ARSB: variants seen among roughly 807,000 people sequenced by gnomAD.
ARSB encodes the protein arylsulfatase B, also known as N-acetylgalactosamine-4-sulfatase.
In ARSB, 41 loss-of-function variants were observed where a neutral mutation model predicts 50.9. That is an observed-to-expected ratio of 0.81 (90% CI 0.63 to 1.04). The LOEUF is 1.04. Among genes scored for constraint, ARSB ranks in the 50% least tolerant of loss-of-function variants. The probability of loss-of-function intolerance (pLI) is 0.00; values close to 1 mark genes in which losing one functional copy is unlikely to be tolerated. For missense variants in ARSB, 672 were observed against 693.3 expected, an observed-to-expected ratio of 0.97 and a Z score of 0.35; for synonymous variants, 269 against 284.8, an observed-to-expected ratio of 0.94 and a Z score of 0.56.
chr5:78,985,231 C>G lies in ARSB; in HGVS notation c.18G>C (p.Ala6=), dbSNP rs1047766714. MGPRG[A]ASLPRGPGPR... is the part of the protein sequence containing the mutation. ...GTCCGGGGCCTCGGGGCAAGCTCGCCGCGCCGCGCGGACCCATCCTTGTCC... is the reference window on the plus strand; with the variant it reads ...GTCCGGGGCCTCGGGGCAAGCTCGCGGCGCCGCGCGGACCCATCCTTGTCC... The change falls in exon 1 of 8, where the codon GCG becomes GCC. Residue 6 remains alanine, a synonymous_variant. Transcript: ENST00000264914. The G allele has an allele frequency of 3.8e-6, 5 of 1,329,056 alleles. No homozygotes were observed. In the African/African-American group the frequency reaches 6.2e-5, roughly 16 times the overall value. The allele number at this position is 1,329,056 out of a possible 1,614,324, so 82.3% of individuals were successfully genotyped here.
chr5:78,958,817 C>G (rs2112495263), intron 3 of ARSB, among the ~76,000 whole-genome samples: 1 of 146,948 alleles, frequency 6.8e-6, no homozygotes, highest in East Asian at 1.9e-4. Context: ...TGTCCTGTAC[C>G]TAACTCAGAC....
rs138320986 is a variant in ARSB, at chr5:78,976,618, C to A, written c.313-7426G>T. Among the ~76,000 whole-genome samples the A allele has an allele frequency of 2.5e-3, 381 of 152,206 alleles. 2 individuals carry two copies. The highest frequency in any genetic ancestry group is 8.8e-3 in the African/African-American group (366 of 41,534). On this transcript the variant is annotated intron_variant, in intron 1 of 7. Coordinates refer to ENST00000264914, the MANE Select transcript of ARSB (RefSeq NM_000046.5). Reference sequence around the variant, plus strand: ...CCACTGCGCCCAGCCAAGCTTATTTCTTTTAAAGAAAAAGAGAGAATATGT... The same window carrying A: ...CCACTGCGCCCAGCCAAGCTTATTTATTTTAAAGAAAAAGAGAGAATATGT...
intron 3 of ARSB, among the ~76,000 whole-genome samples, chr5:78,958,075 G>C (rs1201452428): frequency 6.6e-6 from 1 of 151,998 alleles, no homozygotes; most frequent in Non-Finnish European, 1.5e-5. Flanking sequence ...GTAACAAAAG[G>C]CTGGAGTATG....
intron 6 of ARSB, among the ~76,000 whole-genome samples, chr5:78,806,740 C>T (rs1210973434): frequency 1.3e-5 from 2 of 152,198 alleles, no homozygotes; most frequent in Non-Finnish European, 2.9e-5. Context: ...TCTCCATACT[C>T]ACGATTACTC....
chr5:78,935,328 T>C (rs1007977933), intron 4 of ARSB, among the ~76,000 whole-genome samples: 1 of 152,218 alleles, frequency 6.6e-6, no homozygotes, highest in Non-Finnish European at 1.5e-5. Flanking sequence ...AAATGTGTCA[T>C]AATAATTGTT....
chr5:78,848,292 C>T (rs1745557836), intron 5 of ARSB, among the ~76,000 whole-genome samples: 1 of 114,454 alleles, frequency 8.7e-6, no homozygotes, highest in Non-Finnish European at 1.8e-5. Context: ...TGTTCAATTC[C>T]CACCTATGAG....
Position 78,985,245 on chromosome 5 carries a change from C to G in ARSB, c.4G>C (p.Gly2Arg). 7.6e-7 allele frequency: 1 copy of G among 1,308,386 alleles called. No homozygotes were observed. The highest frequency in any genetic ancestry group is 9.7e-7 in the Non-Finnish European group (1 of 1,034,138). 81.0% of individuals were successfully genotyped at this position (1,308,386 alleles called of 1,614,324 possible). Residue 2 changes from glycine (G) to arginine (R), a missense_variant, in exon 1 of 8, where the codon GGT becomes CGT. By Grantham distance (125) the Gly-to-Arg change is moderately radical. Transcript: ENST00000264914. ...GGCAAGCTCGCCGCGCCGCGCGGACCCATCCTTGTCCGCCCGCGGTCCCAG... is the reference window on the plus strand; with the variant it reads ...GGCAAGCTCGCCGCGCCGCGCGGACGCATCCTTGTCCGCCCGCGGTCCCAG... M[G>R]PRGAASLPRG...
intron 1 of ARSB, among the ~76,000 whole-genome samples, chr5:78,981,291 T>C (rs1752893604): frequency 1.3e-5 from 2 of 152,200 alleles, no homozygotes; most frequent in South Asian, 4.1e-4. Flanking sequence ...ACTTACCCCA[T>C]CTGCTAATTA....
chr5:78,822,766 T>C (rs1744287134), intron 6 of ARSB, among the ~76,000 whole-genome samples: 1 of 152,154 alleles, frequency 6.6e-6, no homozygotes, highest in Non-Finnish European at 1.5e-5. Flanking sequence ...GCCTCCTGAG[T>C]AGCTGGGACT....
intron 3 of ARSB, among the ~76,000 whole-genome samples, chr5:78,956,400 A>G (rs932754684): frequency 2.0e-5 from 3 of 152,154 alleles, no homozygotes; most frequent in African/African-American, 7.2e-5. Context: ...GCTAACAGAT[A>G]CAAGGTTTTT....
At chr5:78,848,581 G>A (rs1337288203) in intron 5 of ARSB, among the ~76,000 whole-genome samples, 5 of 151,464 alleles carry the variant, frequency 3.3e-5, no homozygotes, top group Non-Finnish European at 5.9e-5. Context: ...TATATACCCC[G>A]TAATGGGATG....
At chr5:78,968,440 T>C (rs1186828069) in intron 2 of ARSB, among the ~76,000 whole-genome samples, 2 of 151,630 alleles carry the variant, frequency 1.3e-5, no homozygotes, top group African/African-American at 4.8e-5. Flanking sequence ...CTCCACCTCC[T>C]GGGTTCATGC....
At position 78,885,710 on chromosome 5, in the gene ARSB, T is replaced by G; in HGVS notation, c.1016A>C (p.Gln339Pro). ...VGFVASPLLK[Q>P]KGVKNRELIH... is the part of the protein sequence containing the mutation. ...GAGCTCCCGGTTCTTCACGCCCTTC[T>G]GCTTCAGCAAGGGGCTTGCCACAAA... Residue 339 changes from glutamine to proline, a missense_variant, in exon 5 of 8, where the codon CAG becomes CCG. Gln to Pro is a moderately conservative substitution (Grantham distance 76). Coordinates refer to ENST00000264914, the MANE Select transcript of ARSB (RefSeq NM_000046.5). 2 of 1,614,168 alleles carry G rather than the reference T, an allele frequency of 1.2e-6. No individual in the cohort carries two copies. The highest frequency in any genetic ancestry group is 1.1e-5 in the South Asian group (1 of 91,084).
intron 1 of ARSB, among the ~76,000 whole-genome samples, chr5:78,982,288 T>C (rs1752938920): frequency 6.6e-6 from 1 of 152,262 alleles, no homozygotes; most frequent in Admixed American, 6.5e-5. Flanking sequence ...TTCCTTCATT[T>C]TATTGTCTAA....
In ARSB at chr5:78,860,941, T is replaced by C. The variant is rs534189430; in HGVS notation, c.1143-21515A>G. On this transcript the variant is annotated intron_variant, in intron 5 of 7. Transcript: ENST00000264914. The stretch of plus-strand genomic sequence containing the variant: ...ATGATAAAGGGTATATCAGCACCAA[T>C]CCCACAGAAATACAAACTACCGTCA... Among the ~76,000 whole-genome samples, 4 of 152,176 alleles carry C rather than the reference T, an allele frequency of 2.6e-5. No individual in the cohort carries two copies. The East Asian group carries it at 7.7e-4, about 29-fold the overall frequency.
At chr5:78,898,244 C>T (rs902989535) in intron 4 of ARSB, among the ~76,000 whole-genome samples, 11 of 152,104 alleles carry the variant, frequency 7.2e-5, no homozygotes, top group African/African-American at 2.7e-4. Flanking sequence ...CCAGCCTGGG[C>T]GACAGAGTGA....
intron 4 of ARSB, among the ~76,000 whole-genome samples, chr5:78,952,066 T>C (rs1751514170): frequency 1.3e-5 from 2 of 152,160 alleles, no homozygotes; most frequent in South Asian, 4.1e-4. Context: ...TGATCCAAGA[T>C]TAAGATATCT....
chr5:78,985,304 A>T lies in ARSB; in HGVS notation c.-56T>A. Reference sequence around the variant, plus strand: ...GCGCCACCAGCCCCTTGTACCGCTGATAGAATGAGGAACTGGGCTGCCGGG... The same window carrying T: ...GCGCCACCAGCCCCTTGTACCGCTGTTAGAATGAGGAACTGGGCTGCCGGG... On this transcript the variant is annotated 5_prime_UTR_variant, in exon 1 of 8. Transcript: ENST00000264914. 8.1e-7 allele frequency: 1 copy of T among 1,241,012 alleles called. No individual in the cohort carries two copies. Among genetic ancestry groups the T allele is most frequent in the South Asian group, 3.3e-5 (1 of 30,232 alleles). 76.9% of individuals were successfully genotyped at this position (1,241,012 alleles called of 1,614,324 possible).
At chr5:78,848,376 C>T (rs1236226202) in intron 5 of ARSB, among the ~76,000 whole-genome samples, 7 of 142,692 alleles carry the variant, frequency 4.9e-5, no homozygotes, top group Non-Finnish European at 1.1e-4. Context: ...CATCCATGTC[C>T]GTACAAAGGA....
Sources: allele counts gnomAD v4.1 joint callset (sites outside exome capture counted in the v4.1 genomes callset), GRCh38; gene constraint gnomAD v4.1.1; transcripts MANE v1.5; gene names NCBI Gene and HGNC (gene_info 2026-07-23, HGNC 2026-07-21).